ZNF451: variants seen among roughly 807,000 people sequenced by gnomAD.
ZNF451 encodes zinc finger protein 451.
Under a neutral mutation model 107.1 loss-of-function variants are expected in ZNF451, and 80 were observed. The ratio of observed to expected loss-of-function variants is 0.75; its 90% confidence interval spans 0.62 to 0.90. ZNF451 has a LOEUF of 0.90. ZNF451 is among the 40% of genes least tolerant of loss of function. The pLI is 0.00. For synonymous variants in ZNF451, 362 were observed against 406.5 expected (o/e 0.89, Z 1.32); for missense variants, 1,107 against 1,236.2 (o/e 0.90, Z 1.57).
At chr6:57,109,607 G>T (rs1397159175) in intron 3 of ZNF451, 5 of 985,248 alleles carry the variant, frequency 5.1e-6, no homozygotes, top group Non-Finnish European at 6.0e-6. Flanking sequence ...TTAACAGCAT[G>T]TAAATGTTCA....
At chr6:57,115,993 A>G (rs979053506) in intron 3 of ZNF451, 1 of 152,224 alleles carries the variant, frequency 6.6e-6, no homozygotes, top group African/African-American at 2.4e-5. Flanking sequence ...AGCCAATTCA[A>G]TTCTAGCTTG....
chr6:57,148,094 G>A lies in ZNF451; in HGVS notation c.2009G>A (p.Gly670Glu). ...GAGATAAAGATTAAATACTTCTGTG[G>A]GCTTTGTGATCTTATCTTTAATGTG... Reference protein sequence around the residue: ...DNEIKIKYFCGLCDLIFNVEE... With the variant: ...DNEIKIKYFCELCDLIFNVEE... Residue 670 changes from glycine to glutamate, a missense_variant, in exon 10 of 15, where the codon GGG becomes GAG. This residue lies in a region of ZNF451 where 608 missense variants were observed against 649.2 expected (regional missense o/e 0.94). Transcript: ENST00000370706. 6.2e-7 allele frequency: 1 copy of A among 1,613,986 alleles called. No individual in the cohort carries two copies. The highest frequency in any genetic ancestry group is 8.5e-7 in the Non-Finnish European group (1 of 1,179,964).
intron 3 of ZNF451, chr6:57,115,677 T>C (rs533043421): frequency 4.6e-5 from 7 of 152,240 alleles, no homozygotes; most frequent in Non-Finnish European, 7.3e-5. Context: ...TCCTTAATTC[T>C]ATGCAATTCT....
At chr6:57,113,081 A>G (rs981687467) in intron 3 of ZNF451, among the ~76,000 whole-genome samples, 11 of 152,080 alleles carry the variant, frequency 7.2e-5, no homozygotes, top group African/African-American at 2.4e-4. Flanking sequence ...TTTGGGGTAC[A>G]GATTATTTTG....
At chr6:57,138,479 G>A (rs1180786278) in intron 7 of ZNF451, among the ~76,000 whole-genome samples, 2 of 151,468 alleles carry the variant, frequency 1.3e-5, no homozygotes, top group African/African-American at 4.9e-5. Flanking sequence ...GGCCAGGCTG[G>A]TCTCGAGCTC....
chr6:57,100,071 G>GGACT (rs1472650664), intron 3 of ZNF451, among the ~76,000 whole-genome samples: 1 of 152,066 alleles, frequency 6.6e-6, no homozygotes, highest in Admixed American at 6.6e-5. Flanking sequence ...CCATAAAGTA[G>GGACT]GACTATACAA....
intron 5 of ZNF451, among the ~76,000 whole-genome samples, chr6:57,130,120 A>G (rs1173133048): frequency 6.6e-6 from 1 of 152,216 alleles, no homozygotes; most frequent in Non-Finnish European, 1.5e-5. Context: ...CCTTAAAAGA[A>G]TGCTCAACAT....
chr6:57,163,692 C>T (rs1354545003), intron 14 of ZNF451, among the ~76,000 whole-genome samples: 1 of 151,542 alleles, frequency 6.6e-6, no homozygotes, highest in Non-Finnish European at 1.5e-5. Context: ...CCTCGTGATC[C>T]GCCTGCCTCG....
intron 14 of ZNF451, among the ~76,000 whole-genome samples, chr6:57,163,356 G>C (rs1204924206): frequency 6.7e-6 from 1 of 148,334 alleles, no homozygotes. Context: ...TAGGGAGTAG[G>C]ATCATGTTTT....
At chr6:57,104,961 T>C (rs1047099498) in intron 3 of ZNF451, 2 of 984,788 alleles carry the variant, frequency 2.0e-6, no homozygotes, top group Non-Finnish European at 2.4e-6. Flanking sequence ...AGTAATAGAT[T>C]AGTTTCTTGA....
rs906681103 is a variant in ZNF451, at chr6:57,106,297, A to G, written c.186+7156A>G. On this transcript the variant is annotated intron_variant, in intron 3 of 14. Transcript: ENST00000370706. ...TTGTAGAAGTAGTTTAAAGATTGCA[A>G]TAAGTGAAATCTTTTTTTTTTTTTT... is the stretch of plus-strand genomic sequence containing the variant. The G allele has an allele frequency of 2.6e-5, 25 of 964,904 alleles. No individual in the cohort carries two copies. The African/African-American group carries it at 3.7e-4, about 14-fold the overall frequency. 59.8% of individuals were successfully genotyped at this position (964,904 alleles called of 1,614,324 possible).
Position 57,147,525 on chromosome 6 carries a change from C to T in ZNF451, c.1440C>T (p.Phe480=), listed in dbSNP as rs922191279. The part of the protein sequence containing the change: ...KTWFCECNQR[F]PSEDAVEKHV... The stretch of plus-strand genomic sequence containing the variant: ...GGTTCTGTGAATGCAATCAGCGATT[C>T]CCAAGTGAAGATGCAGTAGAAAAGC... Residue 480 remains phenylalanine, a synonymous_variant, in exon 10 of 15, where the codon TTC becomes TTT. Coordinates refer to ENST00000370706, the MANE Select transcript of ZNF451 (RefSeq NM_001031623.3). 3.7e-6 allele frequency: 6 copies of T among 1,614,054 alleles called. No homozygotes were observed. The highest frequency in any genetic ancestry group is 5.1e-6 in the Non-Finnish European group (6 of 1,179,986).
chr6:57,100,532 A>C, intron 3 of ZNF451: 3 of 1,421,436 alleles, frequency 2.1e-6, no homozygotes, highest in East Asian at 2.5e-5. Context: ...GAATCTCTGC[A>C]CTTGAAAGTT....
intron 13 of ZNF451, 147 bp downstream of exon 13, chr6:57,154,194 A>T (rs1013321277): frequency 1.0e-4 from 76 of 756,470 alleles, no homozygotes; most frequent in Middle Eastern, 2.3e-4. Context: ...TATCTTTTTT[A>T]AAAAAATCTC....
chr6:57,139,845 C>T (rs965113195), intron 7 of ZNF451, among the ~76,000 whole-genome samples: 4 of 151,918 alleles, frequency 2.6e-5, no homozygotes, highest in Admixed American at 6.6e-5. Flanking sequence ...GAGTTAGAGA[C>T]GAGCTTGGGC....
intron 3 of ZNF451, chr6:57,104,343 G>T: frequency 1.0e-6 from 1 of 985,410 alleles, no homozygotes; most frequent in Non-Finnish European, 1.2e-6. Context: ...AGTGGTGAGA[G>T]ACCTTGGAAA....
chr6:57,101,635 G>A, intron 3 of ZNF451: 1 of 1,550,742 alleles, frequency 6.4e-7, no homozygotes, highest in Non-Finnish European at 8.7e-7. Context: ...GGAAGACATG[G>A]AAGATCTGGT....
intron 2 of ZNF451, among the ~76,000 whole-genome samples, chr6:57,096,176 G>GTTTTTTTTTTTTTTTTTTT (rs749589304): frequency 1.7e-5 from 1 of 58,462 alleles, no homozygotes; most frequent in African/African-American, 7.1e-5. Flanking sequence ...CTTTCTTTCT[G>GTTTTTTTTTTTTTTTTTTT]TTTTTTTTTT....
In ZNF451 at chr6:57,120,467, C is replaced by T. The variant is rs530977745; in HGVS notation, c.187-4267C>T. On this transcript the variant is annotated intron_variant, in intron 3 of 14. Transcript: ENST00000370706. The stretch of plus-strand genomic sequence containing the variant: ...CCAATATGTTTAGTTTTGTAAGAAA[C>T]TGCCAAACTGTTTTTCAAAGTGGCT... Among the ~76,000 whole-genome samples the T allele has an allele frequency of 2.0e-4, 31 of 152,276 alleles. No homozygotes were observed. In the South Asian group the frequency reaches 6.2e-3, roughly 31 times the overall value.
Sources: allele counts gnomAD v4.1 joint callset (sites outside exome capture counted in the v4.1 genomes callset), GRCh38; gene constraint gnomAD v4.1.1; regional missense constraint gnomAD v4.1.1; transcripts MANE v1.5; gene names NCBI Gene and HGNC (gene_info 2026-07-23, HGNC 2026-07-21).